MAGI2: variants seen among roughly 807,000 people sequenced by gnomAD.
MAGI2 encodes the protein membrane associated guanylate kinase, WW and PDZ domain containing 2.
In MAGI2, 35 loss-of-function variants were observed where a neutral mutation model predicts 133.3. The observed-to-expected ratio is 0.26, with a 90% confidence interval of 0.20 to 0.35. The LOEUF (loss-of-function observed/expected upper bound fraction) is 0.35. Among genes scored for constraint, MAGI2 ranks in the 10% least tolerant of loss-of-function variants. The pLI is 1.00. For synonymous variants in MAGI2, 729 were observed against 710.6 expected, an observed-to-expected ratio of 1.03 and a Z score of -0.41; for missense variants, 1,636 against 1,863.4, an observed-to-expected ratio of 0.88 and a Z score of 2.25.
chr7:79,214,695 A>T (rs1376163815), intron 1 of MAGI2, among the ~76,000 whole-genome samples: 1 of 139,520 alleles, frequency 7.2e-6, no homozygotes, highest in African/African-American at 2.6e-5. Context: ...ATATATATTT[A>T]TACATAAATA....
chr7:78,623,146 T>C (rs1395160572), intron 3 of MAGI2, among the ~76,000 whole-genome samples: 1 of 152,078 alleles, frequency 6.6e-6, no homozygotes, highest in Non-Finnish European at 1.5e-5. Flanking sequence ...ACAATGGAAA[T>C]TTACCATTAA....
At chr7:79,161,469 G>A (rs970132656) in intron 1 of MAGI2, among the ~76,000 whole-genome samples, 2 of 152,074 alleles carry the variant, frequency 1.3e-5, no homozygotes, top group African/African-American at 4.8e-5. Flanking sequence ...GTGATGGAAT[G>A]TTATCCGAAG....
At chr7:78,667,326 G>T (rs111861424) in intron 2 of MAGI2, among the ~76,000 whole-genome samples, 2,297 of 150,156 alleles carry the variant, frequency 0.015, 68 homozygotes, top group African/African-American at 0.053. Flanking sequence ...ATAAAACAAA[G>T]CGTGCAGTAT....
At chr7:79,322,903 T>G (rs1004687994) in intron 1 of MAGI2, among the ~76,000 whole-genome samples, 3 of 152,132 alleles carry the variant, frequency 2.0e-5, no homozygotes, top group Admixed American at 2.0e-4. Context: ...CAGGTTGGAG[T>G]GCAGTTCAGG....
intron 2 of MAGI2, among the ~76,000 whole-genome samples, chr7:78,924,048 T>A (rs1563669520): frequency 1.3e-5 from 2 of 152,222 alleles, no homozygotes; most frequent in Admixed American, 6.5e-5. Flanking sequence ...TGATTTTGTA[T>A]CCTGAGAATT....
In MAGI2 at chr7:78,168,009, C is replaced by A; in HGVS notation, c.2503G>T (p.Gly835Cys). 6.2e-7 allele frequency: 1 copy of A among 1,614,098 alleles called. No homozygotes were observed. Among genetic ancestry groups the A allele is most frequent in the Non-Finnish European group, 8.5e-7 (1 of 1,180,028 alleles). ...LVYVDGIPVAGKTHRYVIDLM... is the reference protein window; with the variant it reads ...LVYVDGIPVACKTHRYVIDLM... ...TCGATGACATAGCGGTGGGTTTTGC[C>A]GGCTACTGGAATCCCATCAACATAC... The change falls in exon 15 of 22, where the codon GGC (glycine) becomes TGC (cysteine). Residue 835 changes from glycine (G) to cysteine (C), a missense_variant. This residue lies in a region of MAGI2 where 920 missense variants were observed against 1,093.5 expected (regional missense o/e 0.84). Transcript: ENST00000354212.
chr7:78,059,809 A>G (rs1813034200), intron 21 of MAGI2, among the ~76,000 whole-genome samples: 1 of 151,418 alleles, frequency 6.6e-6, no homozygotes, highest in South Asian at 2.1e-4. Context: ...AGCATCAAAC[A>G]ATGGCTGACA....
chr7:78,296,755 T>A (rs1584769647), intron 9 of MAGI2, among the ~76,000 whole-genome samples: 1 of 152,290 alleles, frequency 6.6e-6, no homozygotes, highest in African/African-American at 2.4e-5. Context: ...GGAAACTTAC[T>A]TATACTTGCA....
intron 3 of MAGI2, among the ~76,000 whole-genome samples, chr7:78,588,127 G>A (rs911679745): frequency 3.3e-5 from 5 of 152,136 alleles, no homozygotes; most frequent in African/African-American, 9.7e-5. Flanking sequence ...GAACAACATC[G>A]AGTGTCACAG....
intron 1 of MAGI2, among the ~76,000 whole-genome samples, chr7:79,422,760 C>A (rs4730818): frequency 6.6e-6 from 1 of 151,766 alleles, no homozygotes. Context: ...TGTGCAAAAA[C>A]ACAGCCCGAC....
chr7:78,429,615 A>C (rs980688150), intron 6 of MAGI2, among the ~76,000 whole-genome samples: 1 of 151,952 alleles, frequency 6.6e-6, no homozygotes, highest in Non-Finnish European at 1.5e-5. Context: ...CTATACTACT[A>C]TTTTCTTAGT....
chr7:78,769,760 C>T (rs1027488723), intron 2 of MAGI2, among the ~76,000 whole-genome samples: 1 of 152,200 alleles, frequency 6.6e-6, no homozygotes, highest in Non-Finnish European at 1.5e-5. Flanking sequence ...CAGTCACCCT[C>T]ACAGAACATT....
At chr7:78,891,722 C>A (rs565294374) in intron 2 of MAGI2, among the ~76,000 whole-genome samples, 4 of 152,028 alleles carry the variant, frequency 2.6e-5, no homozygotes, top group Admixed American at 1.3e-4. Flanking sequence ...ACTGATGGGA[C>A]GTATTTCAAA....
In MAGI2 at chr7:79,236,279, ATTAG is replaced by A. The variant is rs1447471551; in HGVS notation, c.301+216737_301+216740del. Among the ~76,000 whole-genome samples, 20 of 152,336 alleles carry A rather than the reference ATTAG, an allele frequency of 1.3e-4. No individual in the cohort carries two copies. The East Asian group carries it at 3.3e-3, about 25-fold the overall frequency. ...TTAATGGGTTAATACATGATCAATA[ATTAG>A]TTAATTTCCTATCCACAACCAATTC... On this transcript the variant is annotated intron_variant, in intron 1 of 21. Coordinates refer to ENST00000354212, the MANE Select transcript of MAGI2 (RefSeq NM_012301.4).
At chr7:78,408,787 T>C (rs1314815154) in intron 6 of MAGI2, among the ~76,000 whole-genome samples, 8 of 152,150 alleles carry the variant, frequency 5.3e-5, no homozygotes, top group Admixed American at 5.3e-4. Context: ...TATGATAATC[T>C]TTTTGAAATG....
chr7:79,133,596 G>T (rs1333515691), intron 1 of MAGI2, among the ~76,000 whole-genome samples: 1 of 152,010 alleles, frequency 6.6e-6, no homozygotes, highest in Non-Finnish European at 1.5e-5. Context: ...AATATGTTCT[G>T]CAAATCATTG....
At chr7:78,449,943 A>C (rs1022726123) in intron 6 of MAGI2, among the ~76,000 whole-genome samples, 5 of 152,112 alleles carry the variant, frequency 3.3e-5, no homozygotes, top group Non-Finnish European at 7.4e-5. Context: ...GCTTTCGATA[A>C]CACTGTCTTA....
At chr7:78,378,772 G>C (rs1794673673) in intron 6 of MAGI2, among the ~76,000 whole-genome samples, 1 of 151,926 alleles carries the variant, frequency 6.6e-6, no homozygotes. Flanking sequence ...CAGGACTAAT[G>C]GTAATCATTC....
chr7:79,401,698 T>A (rs912756640), intron 1 of MAGI2, among the ~76,000 whole-genome samples: 1 of 152,148 alleles, frequency 6.6e-6, no homozygotes, highest in African/African-American at 2.4e-5. Flanking sequence ...ATGATTACTA[T>A]ATTGGTATTC....
Sources: allele counts gnomAD v4.1 joint callset (sites outside exome capture counted in the v4.1 genomes callset), GRCh38; gene constraint gnomAD v4.1.1; regional missense constraint gnomAD v4.1.1; transcripts MANE v1.5; gene names NCBI Gene and HGNC (gene_info 2026-07-23, HGNC 2026-07-21).